PLCE1: variants seen among roughly 807,000 people sequenced by gnomAD.
PLCE1 encodes phospholipase C epsilon 1.
Under a neutral mutation model 242.8 loss-of-function variants are expected in PLCE1, and 119 were observed. That is an observed-to-expected ratio of 0.49 (90% CI 0.42 to 0.57). The LOEUF (loss-of-function observed/expected upper bound fraction) is 0.57, where lower values mean the gene tolerates loss of function less well. PLCE1 is among the 20% of genes least tolerant of loss of function. The probability of loss-of-function intolerance (pLI) is 0.00; values close to 1 mark genes in which losing one functional copy is unlikely to be tolerated. For missense variants in PLCE1, 2,441 were observed against 2,788.8 expected (o/e 0.88, Z 2.81); for synonymous variants, 945 against 1,017.4 (o/e 0.93, Z 1.35).
At chr10:94,168,434 G>A (rs930108602) in intron 3 of PLCE1, among the ~76,000 whole-genome samples, 2 of 152,166 alleles carry the variant, frequency 1.3e-5, no homozygotes, top group African/African-American at 4.8e-5. Context: ...TACATGAAAG[G>A]TTGACATTGT....
chr10:94,299,998 C>T (rs1294553591), intron 24 of PLCE1, among the ~76,000 whole-genome samples: 1 of 152,202 alleles, frequency 6.6e-6, no homozygotes, highest in African/African-American at 2.4e-5. Context: ...GTTGTAAAAA[C>T]TTTATTTTCT....
At chr10:94,002,976 C>T (rs1434030825) in intron 1 of PLCE1, among the ~76,000 whole-genome samples, 5 of 152,132 alleles carry the variant, frequency 3.3e-5, no homozygotes, top group Admixed American at 1.3e-4. Flanking sequence ...TCGAGGAATA[C>T]CAGTTCTGAA....
intron 3 of PLCE1, among the ~76,000 whole-genome samples, chr10:94,146,128 C>A (rs1413941100): frequency 6.6e-6 from 1 of 152,080 alleles, no homozygotes; most frequent in Middle Eastern, 3.2e-3. Context: ...TGAATAGTGG[C>A]ACATTAGGAC....
intron 19 of PLCE1, among the ~76,000 whole-genome samples, chr10:94,277,849 A>G (rs1483365791): frequency 6.6e-6 from 1 of 152,208 alleles, no homozygotes; most frequent in Non-Finnish European, 1.5e-5. Context: ...AAGACTCGTG[A>G]TGCCCTTTAG....
chr10:94,199,037 G>A (rs2048912406), intron 4 of PLCE1, among the ~76,000 whole-genome samples: 2 of 152,092 alleles, frequency 1.3e-5, no homozygotes, highest in Non-Finnish European at 2.9e-5. Flanking sequence ...GGGTGACAGT[G>A]AGACCCTGTC....
intron 2 of PLCE1, chr10:94,089,306 C>G: frequency 6.2e-7 from 1 of 1,613,938 alleles, no homozygotes; most frequent in Non-Finnish European, 8.5e-7. Flanking sequence ...TGGCTCTTCC[C>G]GCTCTCTGAG....
At chr10:94,001,110 G>C (rs889123838) in intron 1 of PLCE1, among the ~76,000 whole-genome samples, 3 of 152,190 alleles carry the variant, frequency 2.0e-5, no homozygotes, top group Admixed American at 1.3e-4. Context: ...CTCTGAAGCA[G>C]TGAGTACAGG....
chr10:94,300,964 C>T (rs1473074289), intron 24 of PLCE1, among the ~76,000 whole-genome samples: 6 of 152,086 alleles, frequency 3.9e-5, no homozygotes, highest in African/African-American at 1.4e-4. Context: ...ACTCGGAAGG[C>T]TGAGCGGGAA....
intron 26 of PLCE1, among the ~76,000 whole-genome samples, chr10:94,307,604 G>A (rs1329856045): frequency 6.6e-6 from 1 of 152,172 alleles, no homozygotes; most frequent in African/African-American, 2.4e-5. Flanking sequence ...TCAGGGTGTT[G>A]GCAGGTTTGG....
chr10:94,061,012 C>T (rs1016295759), intron 2 of PLCE1, among the ~76,000 whole-genome samples: 6 of 152,020 alleles, frequency 3.9e-5, no homozygotes, highest in African/African-American at 1.4e-4. Context: ...CCTTATTTAA[C>T]TTATGAAACC....
chr10:94,128,728 C>T (rs1270941769), intron 2 of PLCE1, among the ~76,000 whole-genome samples: 1 of 152,156 alleles, frequency 6.6e-6, no homozygotes, highest in African/African-American at 2.4e-5. Flanking sequence ...ATTGGAGGAG[C>T]TCAGTACATG....
At chr10:94,191,411 G>A (rs930285001) in intron 4 of PLCE1, among the ~76,000 whole-genome samples, 1 of 152,154 alleles carries the variant, frequency 6.6e-6, no homozygotes, top group African/African-American at 2.4e-5. Context: ...GGAGGCCAAG[G>A]CAGGAGGATC....
intron 4 of PLCE1, among the ~76,000 whole-genome samples, chr10:94,208,801 T>G (rs2049246222): frequency 6.6e-6 from 1 of 152,212 alleles, no homozygotes; most frequent in Non-Finnish European, 1.5e-5. Context: ...TAAGAATCAC[T>G]GGGCTGTAAA....
At chr10:94,007,565 T>TTC (rs1294450335) in intron 1 of PLCE1, among the ~76,000 whole-genome samples, 3 of 134,402 alleles carry the variant, frequency 2.2e-5, no homozygotes, top group Admixed American at 7.9e-5. Context: ...TACAAATACA[T>TTC]TCTCTCTCTC....
intron 4 of PLCE1, among the ~76,000 whole-genome samples, chr10:94,214,697 T>C (rs1324459171): frequency 1.3e-5 from 2 of 152,212 alleles, no homozygotes; most frequent in Non-Finnish European, 2.9e-5. Flanking sequence ...TTGCTCACCA[T>C]TCACATTCTA....
At chr10:94,181,468 C>T (rs1387869561) in intron 4 of PLCE1, among the ~76,000 whole-genome samples, 6 of 151,738 alleles carry the variant, frequency 4.0e-5, no homozygotes, top group African/African-American at 7.3e-5. Flanking sequence ...CCCAGCTACT[C>T]GGGAGGCTGA....
intron 2 of PLCE1, among the ~76,000 whole-genome samples, chr10:94,116,235 C>A (rs370707883): frequency 1.4e-4 from 22 of 152,136 alleles, no homozygotes; most frequent in African/African-American, 5.1e-4. Flanking sequence ...CTCATTTATC[C>A]TTTTATTTGC....
At chr10:94,133,655 G>A (rs1389271499) in intron 3 of PLCE1, among the ~76,000 whole-genome samples, 1 of 152,200 alleles carries the variant, frequency 6.6e-6, no homozygotes, top group African/African-American at 2.4e-5. Context: ...ACCTCCTTGT[G>A]TACTATGTTG....
chr10:94,258,789 C>T lies in PLCE1; in HGVS notation c.3555-11C>T, dbSNP rs769672742. ...GCCCTTGTGCCCATGAAGGCCTTGTCTTTGTTGCAGTGCTTGGAGCAGTAG... is the reference window on the plus strand; with the variant it reads ...GCCCTTGTGCCCATGAAGGCCTTGTTTTTGTTGCAGTGCTTGGAGCAGTAG... On this transcript the variant is annotated splice_polypyrimidine_tract_variant and intron_variant, in intron 11 of 32. Coordinates refer to ENST00000371380, the MANE Select transcript of PLCE1 (RefSeq NM_016341.4). 6.2e-7 allele frequency: 1 copy of T among 1,614,014 alleles called. No homozygotes were observed. The highest frequency in any genetic ancestry group is 8.5e-7 in the Non-Finnish European group (1 of 1,179,956).
Sources: gnomAD v4.1 joint callset for allele counts (sites outside exome capture counted in the v4.1 genomes callset) on GRCh38, gnomAD v4.1.1 for gene constraint, MANE v1.5 for transcripts, NCBI Gene and HGNC (gene_info 2026-07-23, HGNC 2026-07-21) for gene names.